SLC9C1: variants seen among roughly 807,000 people sequenced by gnomAD.
SLC9C1 encodes sodium/hydrogen exchanger 10.
SLC9C1 carries 97 observed loss-of-function variants against 140.9 expected under a neutral mutation model. The ratio of observed to expected loss-of-function variants is 0.69; its 90% CI spans 0.58 to 0.82. The LOEUF (loss-of-function observed/expected upper bound fraction) is 0.82. SLC9C1 is among the 40% of genes least tolerant of loss of function. The probability of loss-of-function intolerance (pLI) is 0.00; values close to 1 mark genes in which losing one functional copy is unlikely to be tolerated. For missense variants in SLC9C1, 1,340 were observed against 1,389.3 expected, an observed-to-expected ratio of 0.96 and a Z score of 0.56; for synonymous variants, 440 against 442.6, an observed-to-expected ratio of 0.99 and a Z score of 0.07.
chr3:112,245,257 A>G (rs1481520161), intron 10 of SLC9C1, among the ~76,000 whole-genome samples: 1 of 152,196 alleles, frequency 6.6e-6, no homozygotes, highest in Non-Finnish European at 1.5e-5. Context: ...GCATATTAGT[A>G]CACATCTTTC....
intron 12 of SLC9C1, among the ~76,000 whole-genome samples, chr3:112,233,960 T>C (rs1423064257): frequency 1.3e-5 from 2 of 152,338 alleles, no homozygotes; most frequent in South Asian, 2.1e-4. Context: ...TGTGTCTTTA[T>C]AGCAGCATGT....
Position 112,244,090 on chromosome 3 carries a change from A to T in SLC9C1, c.1198-14T>A. 2.0e-6 allele frequency: 3 copies of T among 1,514,912 alleles called. No individual in the cohort carries two copies. Among genetic ancestry groups the T allele is most frequent in the Non-Finnish European group, 2.7e-6 (3 of 1,102,574 alleles). 93.8% of individuals were successfully genotyped at this position (1,514,912 alleles called of 1,614,324 possible). On this transcript the variant is annotated splice_polypyrimidine_tract_variant and intron_variant, in intron 10 of 28. Coordinates refer to ENST00000305815, the MANE Select transcript of SLC9C1 (RefSeq NM_183061.3). ...ATGAAATAATATCTAGAATTGAAAA[A>T]AATACAAAGTAAGTATTCATGACAA... is the stretch of plus-strand genomic sequence containing the variant.
At chr3:112,279,417 A>G (rs2080301381) in intron 3 of SLC9C1, among the ~76,000 whole-genome samples, 1 of 152,192 alleles carries the variant, frequency 6.6e-6, no homozygotes, top group East Asian at 1.9e-4. Flanking sequence ...TCCCTCAGAG[A>G]CATTTATTAC....
intron 6 of SLC9C1, 91 bp downstream of exon 6, chr3:112,274,806 T>G: frequency 8.4e-7 from 1 of 1,197,458 alleles, no homozygotes; most frequent in Non-Finnish European, 1.1e-6. Flanking sequence ...CCTACAAATA[T>G]AACTTATGGT....
Position 112,200,736 on chromosome 3 carries a change from A to G in SLC9C1, c.2349T>C (p.Asn783=), listed in dbSNP as rs753789545. 1.9e-6 allele frequency: 3 copies of G among 1,609,742 alleles called. No individual in the cohort carries two copies. The highest frequency in any genetic ancestry group is 2.5e-6 in the Non-Finnish European group (3 of 1,178,158). The change falls in exon 19 of 29, where the codon AAT becomes AAC. Residue 783 remains asparagine, a synonymous_variant. Coordinates refer to ENST00000305815, the MANE Select transcript of SLC9C1 (RefSeq NM_183061.3). ...CTAGCTCTTTTATAGCATGTTCCAT[A>G]TTCCTTATCACTTGCTTTAATAACA... ...KQMLLKQVIR[N]MEHAIKELGY...
chr3:112,260,626 C>G (rs554337640), intron 10 of SLC9C1, among the ~76,000 whole-genome samples: 1 of 152,058 alleles, frequency 6.6e-6, no homozygotes, highest in African/African-American at 2.4e-5. Flanking sequence ...CCTACTAAGG[C>G]GTGATTCTAG....
chr3:112,166,295 ACTC>A (rs1195386110), intron 26 of SLC9C1, among the ~76,000 whole-genome samples: 2 of 151,840 alleles, frequency 1.3e-5, no homozygotes, highest in Non-Finnish European at 1.5e-5. Flanking sequence ...ACTTTCTGAC[ACTC>A]CCCAGTGAGA....
At chr3:112,184,533 G>A (rs1053587716) in intron 20 of SLC9C1, among the ~76,000 whole-genome samples, 24 of 151,856 alleles carry the variant, frequency 1.6e-4, no homozygotes, top group Admixed American at 9.8e-4. Context: ...CTACTCGGAA[G>A]GCTGAGGCAG....
intron 2 of SLC9C1, among the ~76,000 whole-genome samples, chr3:112,282,673 A>G (rs1314072882): frequency 6.6e-6 from 1 of 152,238 alleles, no homozygotes; most frequent in East Asian, 1.9e-4. Context: ...ATGAAAAAAA[A>G]AAACTGCATT....
chr3:112,207,493 C>T (rs1184316709), intron 16 of SLC9C1, among the ~76,000 whole-genome samples: 1 of 152,048 alleles, frequency 6.6e-6, no homozygotes, highest in Non-Finnish European at 1.5e-5. Context: ...TTATTTAATT[C>T]ACATCTATGT....
At chr3:112,266,432 A>C in intron 7 of SLC9C1, 92 bp from the exon 8 acceptor site, 1 of 993,126 alleles carries the variant, frequency 1.0e-6, no homozygotes, top group South Asian at 1.7e-5. Flanking sequence ...ATGTTGTGAC[A>C]GTACCATGAC....
intron 12 of SLC9C1, 46 bp from the exon 13 acceptor site, chr3:112,231,532 CAT>C (rs771728348): frequency 1.8e-5 from 28 of 1,534,584 alleles, no homozygotes; most frequent in Non-Finnish European, 2.3e-5. Context: ...TGAATATTAA[CAT>C]ATTGTTTAGC....
intron 15 of SLC9C1, among the ~76,000 whole-genome samples, chr3:112,215,606 T>C (rs1576362026): frequency 6.6e-6 from 1 of 152,078 alleles, no homozygotes; most frequent in Non-Finnish European, 1.5e-5. Context: ...CCATTCACAA[T>C]TGCTTCAAAG....
rs766345813 is a variant in SLC9C1, at chr3:112,286,892, G to C, written c.-87-14C>G. ...GTCCATCTGAATCTAAGAAACATAA[G>C]ATTTGCCTTCTTGGTGGCCTTCTAA... On this transcript the variant is annotated splice_polypyrimidine_tract_variant and intron_variant, in intron 1 of 28. Coordinates refer to ENST00000305815, the MANE Select transcript of SLC9C1 (RefSeq NM_183061.3). 6.1e-5 allele frequency: 42 copies of C among 686,012 alleles called. No homozygotes were observed. Among genetic ancestry groups the C allele is most frequent in the Non-Finnish European group, 8.9e-5 (40 of 451,394 alleles). 42.5% of individuals were successfully genotyped at this position (686,012 alleles called of 1,614,324 possible).
chr3:112,261,711 G>T (rs6796949), intron 10 of SLC9C1, among the ~76,000 whole-genome samples: 89,930 of 151,830 alleles, frequency 0.59, 27,144 homozygotes, highest in East Asian at 0.79. Context: ...AAAACACTAC[G>T]GCAAAGTATA....
At chr3:112,205,713 T>C (rs1307485431) in intron 16 of SLC9C1, among the ~76,000 whole-genome samples, 1 of 133,048 alleles carries the variant, frequency 7.5e-6, no homozygotes, top group Non-Finnish European at 1.6e-5. Context: ...TCTACAACTA[T>C]CTGATCTTTG....
intron 13 of SLC9C1, among the ~76,000 whole-genome samples, chr3:112,229,096 C>G (rs547323564): frequency 1.3e-5 from 2 of 152,190 alleles, no homozygotes; most frequent in African/African-American, 4.8e-5. Flanking sequence ...ACTGCTTGTT[C>G]TCACTCATAT....
At chr3:112,227,586 A>T (rs1459346806) in intron 13 of SLC9C1, among the ~76,000 whole-genome samples, 2 of 152,186 alleles carry the variant, frequency 1.3e-5, no homozygotes, top group African/African-American at 4.8e-5. Flanking sequence ...AATGTACCTA[A>T]ATACAATAAA....
intron 13 of SLC9C1, among the ~76,000 whole-genome samples, chr3:112,225,966 G>A (rs1326280138): frequency 6.6e-6 from 1 of 152,050 alleles, no homozygotes; most frequent in Non-Finnish European, 1.5e-5. Flanking sequence ...TACGATAATA[G>A]TTGGGTCTTT....
Sources: allele counts gnomAD v4.1 joint callset (sites outside exome capture counted in the v4.1 genomes callset), GRCh38; gene constraint gnomAD v4.1.1; transcripts MANE v1.5; gene names NCBI Gene and HGNC (gene_info 2026-07-23, HGNC 2026-07-21).